FAM184B: variants seen among roughly 807,000 people sequenced by gnomAD.
FAM184B encodes protein FAM184B.
In FAM184B, 111 loss-of-function variants were observed where a neutral mutation model predicts 135.9. That is an observed-to-expected ratio of 0.82 (90% CI 0.70 to 0.96). The LOEUF is 0.96. Among genes scored for constraint, FAM184B ranks in the 40% least tolerant of loss-of-function variants. The probability of loss-of-function intolerance (pLI) is 0.00; values close to 1 mark genes in which losing one functional copy is unlikely to be tolerated. For missense variants in FAM184B, 1,375 were observed against 1,323.9 expected, an observed-to-expected ratio of 1.04 and a Z score of -0.60; for synonymous variants, 552 against 524.8, an observed-to-expected ratio of 1.05 and a Z score of -0.71.
chr4:17,700,060 C>G (rs1716950516), intron 5 of FAM184B, among the ~76,000 whole-genome samples: 1 of 152,100 alleles, frequency 6.6e-6, no homozygotes, highest in African/African-American at 2.4e-5. Flanking sequence ...CAAAAGAGAG[C>G]ATACCTAGTA....
At chr4:17,739,719 T>A (rs921108715) in intron 1 of FAM184B, among the ~76,000 whole-genome samples, 2 of 151,680 alleles carry the variant, frequency 1.3e-5, no homozygotes, top group African/African-American at 4.8e-5. Flanking sequence ...GATGTTCAAC[T>A]AATTTTTGTA....
intron 1 of FAM184B, among the ~76,000 whole-genome samples, chr4:17,729,204 G>A (rs1313323285): frequency 6.6e-6 from 1 of 152,240 alleles, no homozygotes; most frequent in Non-Finnish European, 1.5e-5. Context: ...TGGGGGAGGG[G>A]CGCCTGCCAT....
chr4:17,678,241 G>T (rs1452443271), intron 7 of FAM184B, among the ~76,000 whole-genome samples: 2 of 152,152 alleles, frequency 1.3e-5, no homozygotes, highest in Non-Finnish European at 2.9e-5. Context: ...ATCACTGTTT[G>T]CTGATGATAT....
At chr4:17,638,169 A>C (rs1379887892) in intron 14 of FAM184B, among the ~76,000 whole-genome samples, 3 of 42,608 alleles carry the variant, frequency 7.0e-5, no homozygotes, top group Admixed American at 2.8e-4. Context: ...TTTTTGAGAC[A>C]GGGTCTATTT....
chr4:17,638,292 G>GATCCT (rs1560164097), intron 14 of FAM184B, among the ~76,000 whole-genome samples: 1 of 151,564 alleles, frequency 6.6e-6, no homozygotes, highest in East Asian at 1.9e-4. Flanking sequence ...GAGCTCAGAC[G>GATCCT]ATCCTCCCGC....
chr4:17,634,793 C>T (rs921400495), intron 16 of FAM184B, among the ~76,000 whole-genome samples: 4 of 152,054 alleles, frequency 2.6e-5, no homozygotes, highest in African/African-American at 4.8e-5. Flanking sequence ...AATACTGACA[C>T]ACATTTATTC....
At chr4:17,745,746 A>G (rs1444190848) in intron 1 of FAM184B, among the ~76,000 whole-genome samples, 7 of 152,208 alleles carry the variant, frequency 4.6e-5, no homozygotes, top group Admixed American at 3.3e-4. Flanking sequence ...ACTGACACAC[A>G]GGTGAATCCT....
chr4:17,715,795 T>C (rs1478201594), intron 1 of FAM184B, among the ~76,000 whole-genome samples: 1 of 151,934 alleles, frequency 6.6e-6, no homozygotes, highest in African/African-American at 2.4e-5. Context: ...AAAAAGAGAT[T>C]TCTTATTTTA....
At chr4:17,682,307 G>T (rs776750289) in intron 7 of FAM184B, among the ~76,000 whole-genome samples, 6 of 152,116 alleles carry the variant, frequency 3.9e-5, no homozygotes, top group Non-Finnish European at 7.4e-5. Context: ...CGAGAATCAA[G>T]GAGACTGGCA....
At chr4:17,773,111 C>T (rs1718853476) in intron 1 of FAM184B, among the ~76,000 whole-genome samples, 9 of 152,192 alleles carry the variant, frequency 5.9e-5, no homozygotes, top group Admixed American at 5.9e-4. Context: ...CATGTCCTAG[C>T]TCTGTCAATA....
At chr4:17,753,730 TA>T (rs1225087590) in intron 1 of FAM184B, among the ~76,000 whole-genome samples, 2 of 152,164 alleles carry the variant, frequency 1.3e-5, no homozygotes, top group Non-Finnish European at 2.9e-5. Flanking sequence ...AGTTTGTCCA[TA>T]GAGGGTGATT....
In FAM184B at chr4:17,709,471, C is replaced by G. The variant is rs979701231; in HGVS notation, c.315G>C (p.Glu105Asp). The change falls in exon 2 of 18, where the codon GAG (glutamate) becomes GAC (aspartate). Residue 105 changes from glutamate (E) to aspartate (D), a missense_variant. Transcript: ENST00000265018. ...GCCTCTTTTGCAGCTCCAGGGCGCT[C>G]TCCAGGGCCTGGATGCGCTGTAGAA... The part of the protein sequence containing the change: ...EALLQRIQAL[E>D]SALELQKRLT... 6.5e-7 allele frequency: 1 copy of G among 1,542,906 alleles called. No homozygotes were observed. The highest frequency in any genetic ancestry group is 1.4e-5 in the African/African-American group (1 of 72,852).
At chr4:17,746,622 C>T (rs1338364713) in intron 1 of FAM184B, among the ~76,000 whole-genome samples, 1 of 151,736 alleles carries the variant, frequency 6.6e-6, no homozygotes, top group Non-Finnish European at 1.5e-5. Flanking sequence ...GTCTCAGCTA[C>T]TCAGGAGGCT....
At chr4:17,641,988 AGGGGGAGGGGGGGTGGC>A in intron 13 of FAM184B, 51 bp downstream of exon 13, 1 of 964,216 alleles carries the variant, frequency 1.0e-6, no homozygotes, top group Non-Finnish European at 1.4e-6. Flanking sequence ...CAGCCGCAGT[AGGGGGAGGGGGGGTGGC>A]GGGGTAGGGG....
chr4:17,767,678 C>A (rs1718730300), intron 1 of FAM184B, among the ~76,000 whole-genome samples: 2 of 152,220 alleles, frequency 1.3e-5, no homozygotes, highest in Non-Finnish European at 1.5e-5. Flanking sequence ...TGTTTCAGCG[C>A]TCTGTCTGGA....
intron 1 of FAM184B, among the ~76,000 whole-genome samples, chr4:17,726,555 A>AGAGACG (rs1252787777): frequency 6.6e-6 from 1 of 152,066 alleles, no homozygotes; most frequent in Non-Finnish European, 1.5e-5. Flanking sequence ...TATTTTTAGT[A>AGAGACG]GAGACGGGGT....
intron 11 of FAM184B, among the ~76,000 whole-genome samples, chr4:17,649,634 A>G (rs542008665): frequency 6.6e-6 from 1 of 151,820 alleles, no homozygotes; most frequent in Non-Finnish European, 1.5e-5. Context: ...GAATTTTGAT[A>G]AAGTGATTTC....
chr4:17,652,715 GC>G, intron 11 of FAM184B, 114 bp downstream of exon 11: 1 of 1,235,368 alleles, frequency 8.1e-7, no homozygotes, highest in Non-Finnish European at 1.1e-6. Flanking sequence ...GATTCCCGGA[GC>G]CGTGGCCTGT....
chr4:17,693,335 G>T lies in FAM184B; in HGVS notation c.1455C>A (p.Ala485=). 1 of 1,551,574 alleles carries T rather than the reference G, an allele frequency of 6.4e-7. No individual in the cohort carries two copies. The highest frequency in any genetic ancestry group is 8.7e-7 in the Non-Finnish European group (1 of 1,146,938). Reference sequence around the variant, plus strand: ...GAGAATTCTGAAGCTTCACATTGAGGGCTGCTTTCTCTTCTTCCAGCTGCT... The same window carrying T: ...GAGAATTCTGAAGCTTCACATTGAGTGCTGCTTTCTCTTCTTCCAGCTGCT... ...EIKQLEEEKA[A]LNVKLQNSLL... Residue 485 remains alanine, a synonymous_variant, in exon 6 of 18, where the codon GCC becomes GCA. Transcript: ENST00000265018.
Sources: allele counts gnomAD v4.1 joint callset (sites outside exome capture counted in the v4.1 genomes callset), GRCh38; gene constraint gnomAD v4.1.1; transcripts MANE v1.5; gene names NCBI Gene and HGNC (gene_info 2026-07-23, HGNC 2026-07-21).